CDKAL1: variants seen among roughly 807,000 people sequenced by gnomAD.
CDKAL1 encodes the protein CDKAL1 threonylcarbamoyladenosine tRNA methylthiotransferase, also known as threonylcarbamoyladenosine tRNA methylthiotransferase.
A neutral mutation model predicts 68.2 loss-of-function variants in CDKAL1; 32 were observed. The ratio of observed to expected loss-of-function variants is 0.47; its 90% CI spans 0.35 to 0.63. CDKAL1 has a LOEUF of 0.63. Ranked by LOEUF, CDKAL1 falls within the 30% of genes least tolerant of loss-of-function variation. The pLI is 0.00. For missense variants in CDKAL1, 606 were observed against 696.7 expected (o/e 0.87, Z 1.47); for synonymous variants, 234 against 244.3 (o/e 0.96, Z 0.39).
At chr6:21,157,496 AGT>A (rs67055880) in intron 13 of CDKAL1, among the ~76,000 whole-genome samples, 11,992 of 152,248 alleles carry the variant, frequency 0.079, 647 homozygotes, top group East Asian at 0.27. Context: ...ACACAAACAC[AGT>A]GTGTCTTATA....
At chr6:20,700,519 T>C (rs2127815432) in intron 5 of CDKAL1, among the ~76,000 whole-genome samples, 1 of 152,230 alleles carries the variant, frequency 6.6e-6, no homozygotes, top group East Asian at 1.9e-4. Context: ...TGCAAAACTG[T>C]AAATAATTAC....
At chr6:20,722,013 G>A (rs547852366) in intron 5 of CDKAL1, among the ~76,000 whole-genome samples, 7 of 151,984 alleles carry the variant, frequency 4.6e-5, no homozygotes, top group African/African-American at 1.7e-4. Context: ...TTACAGGCGT[G>A]AGCCACCGTG....
intron 13 of CDKAL1, among the ~76,000 whole-genome samples, chr6:21,194,237 A>G (rs1364678516): frequency 1.3e-5 from 2 of 152,252 alleles, no homozygotes; most frequent in African/African-American, 4.8e-5. Context: ...AAACCATAGC[A>G]GGCTGCCAGT....
intron 15 of CDKAL1, among the ~76,000 whole-genome samples, chr6:21,205,120 G>T (rs1173282750): frequency 6.6e-6 from 1 of 152,180 alleles, no homozygotes; most frequent in Non-Finnish European, 1.5e-5. Context: ...GTTGTAGCAC[G>T]TGTCAGAATT....
At chr6:20,699,344 T>G (rs1312225720) in intron 5 of CDKAL1, among the ~76,000 whole-genome samples, 1 of 151,764 alleles carries the variant, frequency 6.6e-6, no homozygotes, top group Admixed American at 6.6e-5. Flanking sequence ...ATGTGCTTCT[T>G]AAGCAGTGTA....
At chr6:20,548,775 A>T in intron 4 of CDKAL1, 70 bp downstream of exon 4, 1 of 688,154 alleles carries the variant, frequency 1.5e-6, no homozygotes, top group Non-Finnish European at 2.5e-6. Context: ...TAAATAGCCT[A>T]GCAGTTAAAG....
chr6:20,836,379 T>G (rs1420059570), intron 8 of CDKAL1, among the ~76,000 whole-genome samples: 4 of 152,220 alleles, frequency 2.6e-5, no homozygotes, highest in African/African-American at 9.6e-5. Context: ...TCAGCGTAAG[T>G]TGCAGTTATT....
chr6:20,854,683 C>A (rs1759227551), intron 9 of CDKAL1, among the ~76,000 whole-genome samples: 2 of 152,282 alleles, frequency 1.3e-5, no homozygotes, highest in African/African-American at 4.8e-5. Context: ...TAGTCCAACG[C>A]ACAGAAAATC....
At chr6:20,555,625 GT>G (rs61408771) in intron 4 of CDKAL1, among the ~76,000 whole-genome samples, 28 of 123,700 alleles carry the variant, frequency 2.3e-4, no homozygotes, top group South Asian at 8.4e-4. Flanking sequence ...AGCCAGAGTT[GT>G]TTTTTTTTTT....
chr6:20,736,071 A>G (rs534693802), intron 5 of CDKAL1, among the ~76,000 whole-genome samples: 1 of 152,092 alleles, frequency 6.6e-6, no homozygotes, highest in South Asian at 2.1e-4. Context: ...TCCTATGTTA[A>G]TTTATTACCT....
chr6:20,781,942 A>G (rs1272556955), intron 8 of CDKAL1, among the ~76,000 whole-genome samples: 1 of 152,230 alleles, frequency 6.6e-6, no homozygotes, highest in Non-Finnish European at 1.5e-5. Context: ...AATTACCCGT[A>G]CAACCACATC....
intron 10 of CDKAL1, among the ~76,000 whole-genome samples, chr6:20,971,487 A>G (rs1765595710): frequency 6.6e-6 from 1 of 152,248 alleles, no homozygotes; most frequent in Admixed American, 6.5e-5. Context: ...TTTGCAACAG[A>G]TCACTAGAAA....
At chr6:21,110,362 T>C (rs1035020249) in intron 13 of CDKAL1, among the ~76,000 whole-genome samples, 1 of 152,222 alleles carries the variant, frequency 6.6e-6, no homozygotes, top group Non-Finnish European at 1.5e-5. Flanking sequence ...CCACAAAGAC[T>C]AGAACCATAG....
intron 9 of CDKAL1, among the ~76,000 whole-genome samples, chr6:20,913,362 G>A (rs1450751933): frequency 6.6e-6 from 1 of 152,130 alleles, no homozygotes; most frequent in Non-Finnish European, 1.5e-5. Flanking sequence ...GTGAACTGTA[G>A]GGTTGAGGGC....
rs1187250487 is a variant in CDKAL1, at chr6:21,231,756, T to C, written c.*717T>C. On this transcript the variant is annotated 3_prime_UTR_variant, in exon 16 of 16. Transcript: ENST00000274695. ...TTTAATAAATATTTTTAAGTGCATCTTCCCCTTCAGGCTTTGTTTGGAGTC... is the reference window on the plus strand; with the variant it reads ...TTTAATAAATATTTTTAAGTGCATCCTCCCCTTCAGGCTTTGTTTGGAGTC... 6.6e-6 allele frequency: 1 copy of C among 152,178 alleles called. No individual in the cohort carries two copies. The highest frequency in any genetic ancestry group is 2.4e-5 in the African/African-American group (1 of 41,424). 9.4% of individuals were successfully genotyped at this position (152,178 alleles called of 1,614,324 possible).
intron 13 of CDKAL1, among the ~76,000 whole-genome samples, chr6:21,166,814 G>A (rs1777173940): frequency 6.6e-6 from 1 of 152,190 alleles, no homozygotes; most frequent in African/African-American, 2.4e-5. Flanking sequence ...TAACCTCATT[G>A]TACCCCACTC....
At chr6:21,190,633 CT>C (rs1175357276) in intron 13 of CDKAL1, among the ~76,000 whole-genome samples, 1 of 152,200 alleles carries the variant, frequency 6.6e-6, no homozygotes, top group East Asian at 1.9e-4. Flanking sequence ...TCCCAAAGTT[CT>C]GGGATTACAG....
Position 20,553,802 on chromosome 6 carries a change from G to C in CDKAL1, c.286+5097G>C, listed in dbSNP as rs759112055. On this transcript the variant is annotated intron_variant, in intron 4 of 15. Coordinates refer to ENST00000274695, the MANE Select transcript of CDKAL1 (RefSeq NM_017774.3). ...ATTCTTGTATTTTTAGTAGCGATGG[G>C]GGTTTTGCCATGTTGGCCAGACTGG... 7.5e-4 allele frequency among the ~76,000 whole-genome samples: 114 copies of C among 152,252 alleles called. 2 individuals carry two copies. In the Middle Eastern group the frequency reaches 0.031, roughly 41 times the overall value.
At chr6:21,016,142 A>G (rs1450218071) in intron 11 of CDKAL1, among the ~76,000 whole-genome samples, 2 of 140,948 alleles carry the variant, frequency 1.4e-5, no homozygotes, top group Non-Finnish European at 1.5e-5. Flanking sequence ...ATATATGTGT[A>G]TATATATGTG....
Sources: allele counts gnomAD v4.1 joint callset (sites outside exome capture counted in the v4.1 genomes callset), GRCh38; gene constraint gnomAD v4.1.1; transcripts MANE v1.5; gene names NCBI Gene and HGNC (gene_info 2026-07-23, HGNC 2026-07-21).